The following CXADR variants were observed in gnomAD, a reference collection of about 807,000 sequenced individuals.
CXADR encodes the protein coxsackievirus and adenovirus receptor.
A neutral mutation model predicts 40.3 loss-of-function variants in CXADR; 20 were observed. That is an observed-to-expected ratio of 0.50 (90% confidence interval 0.35 to 0.72). The LOEUF is 0.72. CXADR is among the 30% of genes least tolerant of loss of function. The pLI is 0.01. For missense variants in CXADR, 332 were observed against 449.1 expected, an observed-to-expected ratio of 0.74 and a Z score of 2.36; for synonymous variants, 150 against 161.3, an observed-to-expected ratio of 0.93 and a Z score of 0.53.
At chr21:17,559,676 T>G (rs183925161) in intron 4 of CXADR, among the ~76,000 whole-genome samples, 27 of 145,488 alleles carry the variant, frequency 1.9e-4, no homozygotes, top group East Asian at 4.0e-4. Flanking sequence ...TGGGTTTTTT[T>G]TTTTTTTTTT....
chr21:17,561,017 A>T (rs778507299), intron 5 of CXADR, among the ~76,000 whole-genome samples, 193 bp downstream of exon 5: 2 of 152,260 alleles, frequency 1.3e-5, no homozygotes, highest in Non-Finnish European at 1.5e-5. Context: ...TATATTAAGA[A>T]GGTAAGAGTT....
chr21:17,566,543 T>A lies in CXADR; in HGVS notation c.*851T>A. The A allele has an allele frequency of 1.0e-6, 1 of 984,976 alleles. No homozygotes were observed. Among genetic ancestry groups the A allele is most frequent in the Non-Finnish European group, 1.2e-6 (1 of 829,540 alleles). The allele number at this position is 984,976 out of a possible 1,614,324, so 61.0% of individuals were successfully genotyped here. A position where few individuals can be genotyped will look rare whatever the true frequency, so the allele number is the denominator to read the frequency against. On this transcript the variant is annotated 3_prime_UTR_variant, in exon 7 of 7. Coordinates refer to ENST00000284878, the MANE Select transcript of CXADR (RefSeq NM_001338.5). The stretch of plus-strand genomic sequence containing the variant: ...GATCAAGGATGTAGTATCTCATAGT[T>A]CCCAGGTGATATTTTTCTTATTAGA...
chr21:17,594,057 T>C (rs1381710519), downstream of CXADR: 1 of 1,599,782 alleles, frequency 6.3e-7, no homozygotes, highest in Admixed American at 1.7e-5. Flanking sequence ...ATTCTACCTT[T>C]TTCTCAACAT....
chr21:17,592,694 G>T lies in CXADR; in HGVS notation c.1018-458G>T, dbSNP rs2846887. Among the ~76,000 whole-genome samples, 421 of 151,172 alleles carry T rather than the reference G, an allele frequency of 2.8e-3. 1 individual carries two copies. Among genetic ancestry groups the T allele is most frequent in the Middle Eastern group, 6.8e-3 (2 of 292 alleles). ...AAAATTGATAAAACGCATCTCCCTT[G>T]TGACACTAATAAACAAACATGCTCA... On this transcript the variant is annotated intron_variant, in intron 7 of 7. Coordinates refer to the CXADR transcript ENST00000400169.
chr21:17,576,945 TAAAC>T (rs2061326372), intron 7 of CXADR: 1 of 152,222 alleles, frequency 6.6e-6, no homozygotes, highest in African/African-American at 2.4e-5. Flanking sequence ...TATTTATAGT[TAAAC>T]AATATTTAAC....
rs11427595 is a variant in CXADR at position 17,534,789 on chromosome 21, C to CTTT, written c.44-12226_44-12224dup. ...CTGATTTGTCTAACTTATTTTCTTC[C>CTTT]TTTTTTTTTTTTTTGAGAAGGACTC... On this transcript the variant is annotated intron_variant, in intron 1 of 6. Coordinates refer to ENST00000284878, the MANE Select transcript of CXADR (RefSeq NM_001338.5). Among the ~76,000 whole-genome samples, 6 of 131,922 alleles carry CTTT rather than the reference C, an allele frequency of 4.5e-5. 1 individual carries two copies. Among genetic ancestry groups the CTTT allele is most frequent in the East Asian group, 4.7e-4 (2 of 4,216 alleles). 86.5% of individuals were successfully genotyped at this position (131,922 alleles called of 152,430 possible). A position where few individuals can be genotyped will look rare whatever the true frequency, so the allele number is the denominator to read the frequency against.
In CXADR at chr21:17,547,125, G is replaced by C. The variant is rs755566570; in HGVS notation, c.142G>C (p.Glu48Gln). ...YLPCKFTLSP[E>Q]DQGPLDIEWL... ...GCCATGCAAATTTACGCTTAGTCCC[G>C]AAGACCAGGGACCGCTGGACATCGA... Residue 48 changes from glutamate to glutamine, a missense_variant, in exon 2 of 7, where the codon GAA becomes CAA. Physicochemically the swap from Glu to Gln is conservative, Grantham distance 29. Transcript: ENST00000284878. 6.2e-7 allele frequency: 1 copy of C among 1,614,174 alleles called. No individual in the cohort carries two copies. The highest frequency in any genetic ancestry group is 1.1e-5 in the South Asian group (1 of 91,088).
chr21:17,578,390 T>C (rs2061336603), intron 7 of CXADR, among the ~76,000 whole-genome samples: 1 of 152,180 alleles, frequency 6.6e-6, no homozygotes, highest in South Asian at 2.1e-4. Flanking sequence ...AATCACCAGG[T>C]AAGAGTGTGT....
chr21:17,595,075 G>T (rs897318876), downstream of CXADR, among the ~76,000 whole-genome samples: 1 of 151,524 alleles, frequency 6.6e-6, no homozygotes, highest in African/African-American at 2.4e-5. Context: ...TAAAATCTCA[G>T]AACTAGAGGC....
chr21:17,533,782 A>T (rs950420643), intron 1 of CXADR, among the ~76,000 whole-genome samples: 2 of 151,554 alleles, frequency 1.3e-5, no homozygotes, highest in Non-Finnish European at 2.9e-5. Context: ...CTCATTGGGG[A>T]TAGGGAGCTG....
chr21:17,632,370 A>G, the CXADR span, among the ~76,000 whole-genome samples: 2 of 152,202 alleles, frequency 1.3e-5, no homozygotes, highest in Non-Finnish European at 2.9e-5. Context: ...AACACCATGT[A>G]AGTGAACAGC....
At chr21:17,565,323 G>C in intron 6 of CXADR, 105 bp from the exon 7 acceptor site, 1 of 1,214,196 alleles carries the variant, frequency 8.2e-7, no homozygotes, top group Non-Finnish European at 1.2e-6. Context: ...ACTTTTATAT[G>C]TTTAGTACCT....
At chr21:17,564,360 A>G (rs1175600475) in intron 6 of CXADR, among the ~76,000 whole-genome samples, 1 of 151,884 alleles carries the variant, frequency 6.6e-6, no homozygotes, top group Non-Finnish European at 1.5e-5. Flanking sequence ...TACAATGTAT[A>G]TAACCTGCAC....
At chr21:17,573,925 C>T (rs373201876), downstream of CXADR, among the ~76,000 whole-genome samples, 1 of 152,166 alleles carries the variant, frequency 6.6e-6, no homozygotes, top group East Asian at 1.9e-4. Flanking sequence ...AATTCATAAT[C>T]TGAATTTGTC....
chr21:17,609,040 G>T, the CXADR span: 3 of 1,613,758 alleles, frequency 1.9e-6, no homozygotes, highest in Non-Finnish European at 2.5e-6. Flanking sequence ...GAAGTATTAG[G>T]GTCAATTTCT....
the CXADR span, among the ~76,000 whole-genome samples, chr21:17,601,524 TAAAAC>T: frequency 6.6e-6 from 1 of 152,164 alleles, no homozygotes; most frequent in South Asian, 2.1e-4. Context: ...ACCCTCTCTC[TAAAAC>T]AAAACAAAAC....
chr21:17,580,826 C>G (rs1426619765), intron 7 of CXADR, among the ~76,000 whole-genome samples: 17 of 152,140 alleles, frequency 1.1e-4, no homozygotes, highest in Non-Finnish European at 1.5e-4. Flanking sequence ...TCATGGCTCA[C>G]TGCAGCCTCA....
chr21:17,524,352 AG>A (rs1344726505), intron 1 of CXADR, among the ~76,000 whole-genome samples: 1 of 151,810 alleles, frequency 6.6e-6, no homozygotes, highest in Non-Finnish European at 1.5e-5. Flanking sequence ...ACCTGAGGTC[AG>A]GCATTCGAGA....
rs2643075 is a variant in CXADR, at chr21:17,567,390, G to A, written c.*1698G>A. On this transcript the variant is annotated 3_prime_UTR_variant, in exon 7 of 7. Transcript: ENST00000284878. Reference sequence around the variant, plus strand: ...CTTATGTAAAATTACTTTTATACTCGTGTTAACATTTTCATCTGTGCCTTT... The same window carrying A: ...CTTATGTAAAATTACTTTTATACTCATGTTAACATTTTCATCTGTGCCTTT... 102,945 of 984,214 alleles carry A rather than the reference G, an allele frequency of 0.1. 5,835 individuals carry two copies. Among genetic ancestry groups the A allele is most frequent in the Non-Finnish European group, 0.11 (94,184 of 828,890 alleles). 61.0% of individuals were successfully genotyped at this position (984,214 alleles called of 1,614,324 possible). A position where few individuals can be genotyped will look rare whatever the true frequency, so the allele number is the denominator to read the frequency against.
Sources: gnomAD v4.1 joint callset for allele counts (sites outside exome capture counted in the v4.1 genomes callset) on GRCh38, gnomAD v4.1.1 for gene constraint, MANE v1.5 for transcripts, NCBI Gene and HGNC (gene_info 2026-07-23, HGNC 2026-07-21) for gene names.